Variants in SPTLC1 observed in about 807,000 individuals in gnomAD.
The protein encoded by SPTLC1 is serine palmitoyltransferase long chain base subunit 1, also known as serine palmitoyltransferase 1.
In SPTLC1, 55 loss-of-function variants were observed where a neutral mutation model predicts 68.9. The observed-to-expected ratio is 0.80, with a 90% CI of 0.64 to 1.00. The LOEUF (loss-of-function observed/expected upper bound fraction) is 1.00. SPTLC1 is among the 50% of genes least tolerant of loss of function. The probability of loss-of-function intolerance (pLI) is 0.00; values close to 1 mark genes in which losing one functional copy is unlikely to be tolerated. For synonymous variants in SPTLC1, 197 were observed against 201.6 expected (o/e 0.98, Z 0.19); for missense variants, 449 against 573.1 (o/e 0.78, Z 2.21).
At chr9:92,103,685 C>T (rs1437657109) in intron 3 of SPTLC1, among the ~76,000 whole-genome samples, 4 of 152,354 alleles carry the variant, frequency 2.6e-5, no homozygotes, top group South Asian at 4.1e-4. Context: ...CTTGAGGCCA[C>T]GGCAGCCATG....
At chr9:92,079,468 G>A (rs1331269504) in intron 5 of SPTLC1, 4 of 1,611,860 alleles carry the variant, frequency 2.5e-6, no homozygotes, top group Non-Finnish European at 3.4e-6. Flanking sequence ...GACTCCCAGG[G>A]AATTCACTGT....
At chr9:92,049,784 C>T (rs996701638) in intron 9 of SPTLC1, among the ~76,000 whole-genome samples, 176 bp downstream of exon 9, 1 of 152,130 alleles carries the variant, frequency 6.6e-6, no homozygotes, top group Non-Finnish European at 1.5e-5. Context: ...GATGGGGTTC[C>T]CTGGTCTGGC....
intron 13 of SPTLC1, among the ~76,000 whole-genome samples, chr9:92,038,036 TG>T (rs1833205584): frequency 1.3e-5 from 2 of 152,166 alleles, no homozygotes; most frequent in Non-Finnish European, 2.9e-5. Context: ...ATTGACCCAA[TG>T]GGAGGGCCTG....
chr9:92,050,348 T>G (rs1833664456), intron 8 of SPTLC1: 1 of 382,360 alleles, frequency 2.6e-6, no homozygotes, highest in South Asian at 2.4e-5. Context: ...TCAGCTCTGA[T>G]CCTGTGAACA....
intron 14 of SPTLC1, among the ~76,000 whole-genome samples, chr9:92,033,420 ATC>A: frequency 1.3e-5 from 2 of 152,354 alleles, no homozygotes; most frequent in Non-Finnish European, 2.9e-5. Context: ...ATCTGTAAAC[ATC>A]TGTTTCATGC....
rs1836369926 is a variant in SPTLC1 at position 92,114,614 on chromosome 9, A to C, written c.57+700T>G. Among the ~76,000 whole-genome samples, 5 of 152,188 alleles carry C rather than the reference A, an allele frequency of 3.3e-5. No individual in the cohort carries two copies. The South Asian group carries it at 1.0e-3, about 32-fold the overall frequency. ...GCCGGGCATGGTGGCACATGCCTGT[A>C]ATCTCAGCTACCTGGGAAGCTGAGG... On this transcript the variant is annotated intron_variant, in intron 1 of 14. Transcript: ENST00000262554.
At position 92,032,471 on chromosome 9, in the gene SPTLC1, C is replaced by G. The variant is rs1832995795; in HGVS notation, c.1416G>C (p.Leu472=). The G allele has an allele frequency of 6.2e-7, 1 of 1,614,224 alleles. No homozygotes were observed. Among genetic ancestry groups the G allele is most frequent in the African/African-American group, 1.3e-5 (1 of 75,056 alleles). The stretch of plus-strand genomic sequence containing the variant: ...CATGGTCCCGGGACTCTGCCTAGAG[C>G]AGGACGGCCTGGGCTACCTCCTTGA... ...STIKEVAQAV[L]L The change falls in exon 15 of 15, where the codon CTG becomes CTC. Residue 472 remains leucine, a synonymous_variant. Transcript: ENST00000262554.
chr9:92,038,705 T>A (rs746005523), intron 12 of SPTLC1, among the ~76,000 whole-genome samples: 65 of 152,176 alleles, frequency 4.3e-4, no homozygotes, highest in Non-Finnish European at 8.1e-4. Context: ...TCGCCCCCAA[T>A]GTTTGTTCTT....
At chr9:92,104,814 G>A (rs1835897215) in intron 3 of SPTLC1, 8 of 1,531,638 alleles carry the variant, frequency 5.2e-6, no homozygotes, top group Non-Finnish European at 7.0e-6. Context: ...TACAATCCCA[G>A]GCCCTTGGAG....
intron 3 of SPTLC1, among the ~76,000 whole-genome samples, chr9:92,093,668 G>A (rs1248335585): frequency 6.6e-6 from 1 of 152,162 alleles, no homozygotes; most frequent in Non-Finnish European, 1.5e-5. Context: ...CAGCTGAAGG[G>A]ATGGCTCAAC....
At chr9:92,070,068 T>TATAC (rs1195719382) in intron 5 of SPTLC1, 2 of 152,200 alleles carry the variant, frequency 1.3e-5, no homozygotes, top group African/African-American at 4.8e-5. Flanking sequence ...TAACTGTTTA[T>TATAC]ATACAGTTGC....
chr9:92,060,994 T>C (rs1171274129), intron 6 of SPTLC1, among the ~76,000 whole-genome samples: 1 of 148,238 alleles, frequency 6.7e-6, no homozygotes, highest in East Asian at 2.0e-4. Flanking sequence ...ATGAACAGAG[T>C]CTCAGGGACC....
At chr9:92,052,566 G>C (rs1309554502) in intron 8 of SPTLC1, among the ~76,000 whole-genome samples, 1 of 150,076 alleles carries the variant, frequency 6.7e-6, no homozygotes. Context: ...GTCTCGCTCT[G>C]TTGCCCAGGC....
intron 3 of SPTLC1, among the ~76,000 whole-genome samples, chr9:92,082,146 A>G (rs1455654700): frequency 6.6e-6 from 1 of 152,088 alleles, no homozygotes; most frequent in East Asian, 1.9e-4. Flanking sequence ...CTCTCAGGGA[A>G]ATTGCTATTA....
intron 1 of SPTLC1, among the ~76,000 whole-genome samples, chr9:92,114,750 A>AAT (rs1554716796): frequency 4.0e-5 from 6 of 151,554 alleles, no homozygotes; most frequent in African/African-American, 1.2e-4. Flanking sequence ...AAAAAAAACA[A>AAT]AAATAAATAA....
At chr9:92,061,297 A>G (rs1326302330) in intron 6 of SPTLC1, among the ~76,000 whole-genome samples, 1 of 152,208 alleles carries the variant, frequency 6.6e-6, no homozygotes, top group Non-Finnish European at 1.5e-5. Flanking sequence ...AATTTGAATG[A>G]CGGGAGATTT....
At chr9:92,050,782 T>C (rs1381207753) in intron 8 of SPTLC1, among the ~76,000 whole-genome samples, 3 of 146,790 alleles carry the variant, frequency 2.0e-5, no homozygotes, top group Middle Eastern at 7.0e-3. Context: ...TCTAAAATGA[T>C]TCACTTAACA....
chr9:92,034,159 C>T (rs1471330994), intron 14 of SPTLC1, among the ~76,000 whole-genome samples: 2 of 152,214 alleles, frequency 1.3e-5, no homozygotes, highest in Admixed American at 6.5e-5. Context: ...GTGTAGACAT[C>T]GCCTGCTCTC....
At chr9:92,060,914 A>AG (rs1271899407) in intron 6 of SPTLC1, among the ~76,000 whole-genome samples, 1 of 120,690 alleles carries the variant, frequency 8.3e-6, no homozygotes, top group Non-Finnish European at 1.6e-5. Flanking sequence ...CTCTGTCTCA[A>AG]AAAAAAAAAA....
Sources: allele counts gnomAD v4.1 joint callset (sites outside exome capture counted in the v4.1 genomes callset), GRCh38; gene constraint gnomAD v4.1.1; transcripts MANE v1.5; gene names NCBI Gene and HGNC (gene_info 2026-07-23, HGNC 2026-07-21).